The following HIP1 variants were observed in gnomAD, a reference collection of about 807,000 sequenced individuals.
HIP1 encodes huntingtin-interacting protein 1.
A neutral mutation model predicts 147.6 loss-of-function variants in HIP1; 65 were observed. The observed-to-expected ratio is 0.44, with a 90% CI of 0.36 to 0.54. HIP1 has a LOEUF of 0.54. HIP1 is among the 20% of genes least tolerant of loss of function. The pLI is 0.00. For synonymous variants in HIP1, 479 were observed against 504.0 expected (o/e 0.95, Z 0.67); for missense variants, 1,061 against 1,299.6 (o/e 0.82, Z 2.82).
At chr7:75,703,530 C>T (rs1219149731) in intron 1 of HIP1, among the ~76,000 whole-genome samples, 54 of 151,870 alleles carry the variant, frequency 3.6e-4, no homozygotes, top group South Asian at 4.1e-4. Flanking sequence ...GTAATCCCAG[C>T]TACTCAGGAG....
intron 1 of HIP1, among the ~76,000 whole-genome samples, chr7:75,624,116 C>T (rs782080071): frequency 6.6e-6 from 1 of 152,146 alleles, no homozygotes; most frequent in African/African-American, 2.4e-5. Context: ...ACAGACCTCG[C>T]TGATCTCAGG....
At chr7:75,683,466 G>A (rs1800161963) in intron 1 of HIP1, among the ~76,000 whole-genome samples, 1 of 152,150 alleles carries the variant, frequency 6.6e-6, no homozygotes, top group Admixed American at 6.6e-5. Context: ...AGAGCAGGGC[G>A]TGTGCATGTA....
chr7:75,554,197 T>C lies in HIP1; in HGVS notation c.2074A>G (p.Ile692Val), dbSNP rs368101279. 2 of 1,613,894 alleles carry C rather than the reference T, an allele frequency of 1.2e-6. No homozygotes were observed. Among genetic ancestry groups the C allele is most frequent in the Non-Finnish European group, 1.7e-6 (2 of 1,179,974 alleles). Residue 692 changes from isoleucine to valine, a missense_variant, in exon 21 of 31, where the codon ATA becomes GTA. By Grantham distance (29) the Ile-to-Val change is conservative (BLOSUM62 3). This residue lies in a region of HIP1 where 810 missense variants were observed against 946.8 expected (regional missense o/e 0.86). Transcript: ENST00000336926. ...PEDISGLLHS[I>V]TLLAHLTSDA... is the part of the protein sequence containing the mutation. ...CTGGTCAAGTGGGCCAGCAGGGTTA[T>C]GGAATGGAGAAGTCCACTGATGTCT...
chr7:75,554,502 G>A lies in HIP1; in HGVS notation c.1988C>T (p.Ser663Phe), dbSNP rs141102143. Residue 663 changes from serine to phenylalanine, a missense_variant, in exon 20 of 31, where the codon TCC (serine) becomes TTC (phenylalanine). Around this residue, in one of 3 missense-constraint regions of HIP1, gnomAD observed 810 missense variants for 946.8 expected, o/e 0.86. Coordinates refer to ENST00000336926, the MANE Select transcript of HIP1 (RefSeq NM_005338.7). The part of the protein sequence containing the change: ...SADHLLSTVT[S>F]ISSCIEQLEK... The stretch of plus-strand genomic sequence containing the variant: ...CAGTTGCTCGATGCAGCTGGAAATG[G>A]ATGTGACCGTGGAGAGGAGGTGATC... 1.2e-6 allele frequency: 2 copies of A among 1,613,756 alleles called. No homozygotes were observed. Among genetic ancestry groups the A allele is most frequent in the Non-Finnish European group, 8.5e-7 (1 of 1,179,896 alleles).
At position 75,721,113 on chromosome 7, in the gene HIP1, A is replaced by G. The variant is rs541031844; in HGVS notation, c.120+17688T>C. 7.4e-4 allele frequency among the ~76,000 whole-genome samples: 113 copies of G among 151,906 alleles called. 1 individual carries two copies. Among genetic ancestry groups the G allele is most frequent in the African/African-American group, 2.6e-3 (109 of 41,430 alleles). On this transcript the variant is annotated intron_variant, in intron 1 of 30. Coordinates refer to ENST00000336926, the MANE Select transcript of HIP1 (RefSeq NM_005338.7). ...TGGTCACAGCCATGCACGGTGGCTC[A>G]CACCTGTAATCCCAGCACTTTGGGA...
chr7:75,616,093 A>G (rs1554505931), intron 1 of HIP1, among the ~76,000 whole-genome samples: 1 of 149,688 alleles, frequency 6.7e-6, no homozygotes, highest in African/African-American at 2.4e-5. Context: ...CTCAAAAAAA[A>G]AAAAAAAAAA....
At chr7:75,621,059 G>A (rs1252608891) in intron 1 of HIP1, among the ~76,000 whole-genome samples, 1 of 152,112 alleles carries the variant, frequency 6.6e-6, no homozygotes, top group Non-Finnish European at 1.5e-5. Context: ...GCAAGATCCT[G>A]TCTCTACAAA....
In HIP1 at chr7:75,604,680, G is replaced by C. The variant is rs587743242; in HGVS notation, c.121-5433C>G. On this transcript the variant is annotated intron_variant, in intron 1 of 30. Coordinates refer to ENST00000336926, the MANE Select transcript of HIP1 (RefSeq NM_005338.7). ...AGACCTTGTCTTAGAAAAGAAGGAA[G>C]AAGGAAGGAAGGAAGGAAGGGAGGG... Among the ~76,000 whole-genome samples, 3 of 137,418 alleles carry C rather than the reference G, an allele frequency of 2.2e-5. 1 individual carries two copies. The South Asian group carries it at 8.0e-4, about 36-fold the overall frequency. The allele number at this position is 137,418 out of a possible 152,430, so 90.2% of individuals were successfully genotyped here.
At chr7:75,640,235 C>A (rs1404431905) in intron 1 of HIP1, among the ~76,000 whole-genome samples, 1 of 151,966 alleles carries the variant, frequency 6.6e-6, no homozygotes, top group Admixed American at 6.6e-5. Flanking sequence ...GCAGCAGGGA[C>A]CTGAGAGTCC....
intron 1 of HIP1, among the ~76,000 whole-genome samples, chr7:75,730,101 G>T (rs1801789052): frequency 6.6e-6 from 1 of 152,112 alleles, no homozygotes. Flanking sequence ...CTCAGGCTGG[G>T]AAGTCAGGAG....
chr7:75,691,108 C>T (rs548299950), intron 1 of HIP1, among the ~76,000 whole-genome samples: 1 of 152,174 alleles, frequency 6.6e-6, no homozygotes, highest in South Asian at 2.1e-4. Context: ...CTGATACATG[C>T]TCCAGTGTGG....
chr7:75,586,883 C>G (rs587730624), intron 4 of HIP1, 50 bp from the exon 5 acceptor site: 51 of 1,105,610 alleles, frequency 4.6e-5, no homozygotes, highest in South Asian at 4.1e-4. Flanking sequence ...ACATAACAGT[C>G]AAGAGATCTG....
intron 21 of HIP1, among the ~76,000 whole-genome samples, chr7:75,553,877 G>A (rs1408661251): frequency 6.6e-6 from 1 of 152,022 alleles, no homozygotes; most frequent in Non-Finnish European, 1.5e-5. Context: ...GTGTTACGGC[G>A]ATTACAGGCG....
At chr7:75,732,414 A>AGTGCAGTG (rs1476053228) in intron 1 of HIP1, among the ~76,000 whole-genome samples, 1 of 152,040 alleles carries the variant, frequency 6.6e-6, no homozygotes, top group East Asian at 1.9e-4. Context: ...TCTGTCACCC[A>AGTGCAGTG]GTCTGGAGTG....
chr7:75,557,660 C>T lies in HIP1; in HGVS notation c.1575G>A (p.Gln525=), dbSNP rs140466682. The stretch of plus-strand genomic sequence containing the variant: ...TGCTCCTCGTCCCACTCACCTTCCG[C>T]TGGCCCTGGTCACTGATGCGCTCCA... ...DSLERISDQG[Q]RKTQEQLEVL... The change falls in exon 16 of 31, where the codon CAG becomes CAA. Residue 525 remains glutamine (Q), a synonymous_variant. Transcript: ENST00000336926. 28 of 1,612,666 alleles carry T rather than the reference C, an allele frequency of 1.7e-5. No homozygotes were observed. In the African/African-American group the frequency reaches 2.4e-4, roughly 14 times the overall value.
intron 11 of HIP1, among the ~76,000 whole-genome samples, chr7:75,562,589 C>T (rs1795264454): frequency 6.6e-6 from 1 of 152,214 alleles, no homozygotes; most frequent in Non-Finnish European, 1.5e-5. Flanking sequence ...CCTCCCATCT[C>T]AGCTTCCCAC....
At chr7:75,712,623 T>G (rs1019522805) in intron 1 of HIP1, among the ~76,000 whole-genome samples, 33 of 152,124 alleles carry the variant, frequency 2.2e-4, no homozygotes, top group African/African-American at 8.0e-4. Flanking sequence ...CACTCTCACT[T>G]ATTCACTCAC....
intron 7 of HIP1, among the ~76,000 whole-genome samples, chr7:75,575,202 T>C (rs1321714398): frequency 6.6e-6 from 1 of 150,990 alleles, no homozygotes; most frequent in Admixed American, 6.6e-5. Flanking sequence ...GGCTCATGCC[T>C]GTAATCCCAG....
intron 1 of HIP1, among the ~76,000 whole-genome samples, chr7:75,710,360 C>G (rs1195920710): frequency 6.6e-6 from 1 of 152,048 alleles, no homozygotes; most frequent in Non-Finnish European, 1.5e-5. Flanking sequence ...GCAATAAACC[C>G]TACTTGGTCA....
Sources: gnomAD v4.1 joint callset for allele counts (sites outside exome capture counted in the v4.1 genomes callset) on GRCh38, gnomAD v4.1.1 for gene constraint, gnomAD v4.1.1 regional missense constraint, MANE v1.5 for transcripts, NCBI Gene and HGNC (gene_info 2026-07-23, HGNC 2026-07-21) for gene names.